The following PICALM variants were observed in gnomAD, a reference collection of about 807,000 sequenced individuals.
The protein encoded by PICALM is phosphatidylinositol binding clathrin assembly protein.
Under a neutral mutation model 80.5 loss-of-function variants are expected in PICALM, and 40 were observed. The ratio of observed to expected loss-of-function variants is 0.50; its 90% CI spans 0.39 to 0.65. The LOEUF (loss-of-function observed/expected upper bound fraction) is 0.65. PICALM is among the 30% of genes least tolerant of loss of function. PICALM has a pLI of 0.00. For synonymous variants in PICALM, 288 were observed against 260.3 expected (o/e 1.11, Z -1.02); for missense variants, 676 against 778.9 (o/e 0.87, Z 1.57).
At chr11:86,056,227 A>G (rs1565581794) in intron 1 of PICALM, among the ~76,000 whole-genome samples, 1 of 150,042 alleles carries the variant, frequency 6.7e-6, no homozygotes, top group Non-Finnish European at 1.5e-5. Flanking sequence ...AGAAAGTGAC[A>G]AGCCAAGCCA....
intron 18 of PICALM, among the ~76,000 whole-genome samples, chr11:85,976,153 T>C (rs1476891159): frequency 6.6e-6 from 1 of 152,188 alleles, no homozygotes; most frequent in Non-Finnish European, 1.5e-5. Context: ...CAATCTAAAA[T>C]GCACATTGTG....
chr11:85,987,578 A>G (rs2094612767), intron 13 of PICALM, among the ~76,000 whole-genome samples: 1 of 152,242 alleles, frequency 6.6e-6, no homozygotes, highest in Admixed American at 6.5e-5. Flanking sequence ...TGACTACATA[A>G]TAATTTAGGT....
At chr11:85,966,154 G>A (rs1273001709) in intron 19 of PICALM, among the ~76,000 whole-genome samples, 5 of 152,042 alleles carry the variant, frequency 3.3e-5, no homozygotes, top group African/African-American at 7.3e-5. Context: ...ATGCCACACA[G>A]TGACCTGGGA....
chr11:85,986,880 C>G (rs192086875), intron 13 of PICALM, among the ~76,000 whole-genome samples: 2 of 152,204 alleles, frequency 1.3e-5, no homozygotes, highest in African/African-American at 4.8e-5. Context: ...GCTTACTCTT[C>G]CATTTCACCA....
Position 85,958,913 on chromosome 11 carries a change from T to TA in PICALM, c.*132_*133insT, listed in dbSNP as rs1387906209. On this transcript the variant is annotated 3_prime_UTR_variant, in exon 20 of 20. Transcript: ENST00000393346. ...ATTTCCTTCATGGGCCTTCACTGAG[T>TA]TACTTGTAGCATTCTAATGGAAGAA... 2 of 604,000 alleles carry TA rather than the reference T, an allele frequency of 3.3e-6. No individual in the cohort carries two copies. The highest frequency in any genetic ancestry group is 3.7e-5 in the African/African-American group (2 of 54,544). 37.4% of individuals were successfully genotyped at this position (604,000 alleles called of 1,614,324 possible). A position where few individuals can be genotyped will look rare whatever the true frequency, so the allele number is the denominator to read the frequency against.
intron 16 of PICALM, 138 bp from the exon 17 acceptor site, chr11:85,981,366 G>C (rs773307114): frequency 1.1e-4 from 64 of 599,762 alleles, no homozygotes; most frequent in Non-Finnish European, 1.7e-4. Context: ...AGCACTTTGG[G>C]AGGCCAAGGT....
intron 17 of PICALM, among the ~76,000 whole-genome samples, chr11:85,977,865 G>GA (rs764330115): frequency 1.3e-4 from 20 of 151,840 alleles, no homozygotes; most frequent in Non-Finnish European, 2.2e-4. Flanking sequence ...TATTAAGCAA[G>GA]AAAAAAAATC....
chr11:85,960,373 T>C (rs1291941921), intron 19 of PICALM, among the ~76,000 whole-genome samples: 1 of 152,222 alleles, frequency 6.6e-6, no homozygotes, highest in African/African-American at 2.4e-5. Context: ...ATCCTTCTAA[T>C]CGAAAGGGCT....
At chr11:86,053,579 C>CT (rs1038903438) in intron 1 of PICALM, among the ~76,000 whole-genome samples, 3 of 151,968 alleles carry the variant, frequency 2.0e-5, no homozygotes, top group South Asian at 4.2e-4. Context: ...CGAATAAAGT[C>CT]TTTTTTTTGA....
At chr11:86,009,292 CAAAAAAAAAAAA>C (rs10557244) in intron 7 of PICALM, among the ~76,000 whole-genome samples, 19 of 41,640 alleles carry the variant, frequency 4.6e-4, no homozygotes, top group Middle Eastern at 0.025. Context: ...GTCTCTGTCT[CAAAAAAAAAAAA>C]AAAAAAAAAA....
intron 1 of PICALM, among the ~76,000 whole-genome samples, chr11:86,041,997 C>T (rs1199978545): frequency 3.9e-5 from 6 of 152,264 alleles, no homozygotes; most frequent in East Asian, 1.9e-4. Flanking sequence ...TAAATTACTA[C>T]GTAAGCCTTC....
intron 17 of PICALM, chr11:85,977,015 C>G (rs956509445): frequency 6.1e-6 from 1 of 162,972 alleles, no homozygotes; most frequent in African/African-American, 2.4e-5. Flanking sequence ...AATTTAAAGC[C>G]TATCACTATC....
At chr11:85,988,468 T>A (rs1416399362) in intron 13 of PICALM, among the ~76,000 whole-genome samples, 2 of 152,180 alleles carry the variant, frequency 1.3e-5, no homozygotes, top group Non-Finnish European at 2.9e-5. Flanking sequence ...AAAGATACTG[T>A]TATCTAGCTC....
At chr11:86,039,878 C>T (rs971708872) in intron 1 of PICALM, among the ~76,000 whole-genome samples, 4 of 151,732 alleles carry the variant, frequency 2.6e-5, no homozygotes, top group African/African-American at 9.7e-5. Flanking sequence ...GTGGCGGGAG[C>T]CTGTAGTCCC....
intron 1 of PICALM, among the ~76,000 whole-genome samples, chr11:86,059,984 T>C (rs565359185): frequency 6.6e-6 from 1 of 152,258 alleles, no homozygotes; most frequent in African/African-American, 2.4e-5. Context: ...GCCCCAGCAG[T>C]TTCCTTTCCA....
intron 17 of PICALM, 51 bp from the exon 18 acceptor site, chr11:85,976,733 A>AC: frequency 2.8e-6 from 3 of 1,077,760 alleles, no homozygotes; most frequent in Non-Finnish European, 4.3e-6. Context: ...CATGTGTGTC[A>AC]ACTGAGTTCA....
At chr11:86,010,199 C>G (rs2095367507) in intron 7 of PICALM, among the ~76,000 whole-genome samples, 2 of 152,260 alleles carry the variant, frequency 1.3e-5, no homozygotes, top group South Asian at 4.1e-4. Context: ...CCACACCTGC[C>G]TTCCGTGACA....
Position 86,012,389 on chromosome 11 carries a change from T to C in PICALM, c.550A>G (p.Asn184Asp), listed in dbSNP as rs1239694127. ...ACCCCATTTGTAAGTTCATTGCTAT[T>C]AACCTAGGGAAAAATTGGAAAATAA... ...QMDALLDFNV[N>D]SNELTNGVIN... The change falls in exon 6 of 20, where the codon AAT becomes GAT. Residue 184 changes from asparagine (N) to aspartate (D), a missense_variant. This residue lies in a region of PICALM where 285 missense variants were observed against 395.4 expected (regional missense o/e 0.72). Transcript: ENST00000393346. 20 of 1,572,892 alleles carry C rather than the reference T, an allele frequency of 1.3e-5. No homozygotes were observed. The highest frequency in any genetic ancestry group is 1.7e-5 in the Non-Finnish European group (19 of 1,145,998).
At chr11:85,983,239 C>T (rs1230307560) in intron 14 of PICALM, among the ~76,000 whole-genome samples, 1 of 152,122 alleles carries the variant, frequency 6.6e-6, no homozygotes, top group East Asian at 1.9e-4. Context: ...ATGGTAAGAA[C>T]AGAATTATGA....
Sources: allele counts gnomAD v4.1 joint callset (sites outside exome capture counted in the v4.1 genomes callset), GRCh38; gene constraint gnomAD v4.1.1; regional missense constraint gnomAD v4.1.1; transcripts MANE v1.5; gene names NCBI Gene and HGNC (gene_info 2026-07-23, HGNC 2026-07-21).